The following FBXO8 variants were observed in gnomAD, a reference collection of about 807,000 sequenced individuals.
The protein encoded by FBXO8 is F-box protein 8.
Under a neutral mutation model 33.4 loss-of-function variants are expected in FBXO8, and 15 were observed. The ratio of observed to expected loss-of-function variants is 0.45; its 90% CI spans 0.30 to 0.69. The LOEUF is 0.69. Ranked by LOEUF, FBXO8 falls within the 30% of genes least tolerant of loss-of-function variation. The pLI, the probability that FBXO8 is intolerant of heterozygous loss-of-function variation, is 0.08. For missense variants in FBXO8, 274 were observed against 380.3 expected (o/e 0.72, Z 2.32); for synonymous variants, 132 against 131.5 (o/e 1.00, Z -0.02).
Position 174,237,369 on chromosome 4 carries a change from C to T in FBXO8, c.*43G>A. On this transcript the variant is annotated 3_prime_UTR_variant, in exon 6 of 6. Coordinates refer to ENST00000393674, the MANE Select transcript of FBXO8 (RefSeq NM_012180.3). This position sits in a 1 kb window ranked among gnomAD's most constrained non-coding sequence, Gnocchi z 4.4. ...CCATATCTGCTAAGTCCTTGGGTAGCTTTAGTCTGAAGTAAAAACTGAAGT... is the reference window on the plus strand; with the variant it reads ...CCATATCTGCTAAGTCCTTGGGTAGTTTTAGTCTGAAGTAAAAACTGAAGT... 1 of 1,558,706 alleles carries T rather than the reference C, an allele frequency of 6.4e-7. No individual in the cohort carries two copies. Among genetic ancestry groups the T allele is most frequent in the African/African-American group, 1.3e-5 (1 of 74,090 alleles).
chr4:174,259,785 T>C lies in FBXO8; in HGVS notation c.370A>G (p.Lys124Glu). Residue 124 changes from lysine (K) to glutamate (E), a missense_variant, in exon 3 of 6, where the codon AAG (lysine) becomes GAG (glutamate). Physicochemically the swap from Lys to Glu is moderately conservative, Grantham distance 56. This residue lies in a region of FBXO8 where 186 missense variants were observed against 293.4 expected (regional missense o/e 0.63). Transcript: ENST00000393674. This position sits in a 1 kb window ranked among gnomAD's most constrained non-coding sequence, Gnocchi z 4.3. ...STWGHCSIYN[K>E]NPPLGFSFRK... is the part of the protein sequence containing the mutation. ...AAAGAAAATCCTAAAGGTGGGTTCTTATTGTATATGGAACAGTGACCCCAA... is the reference window on the plus strand; with the variant it reads ...AAAGAAAATCCTAAAGGTGGGTTCTCATTGTATATGGAACAGTGACCCCAA... 1 of 1,611,564 alleles carries C rather than the reference T, an allele frequency of 6.2e-7. No individual in the cohort carries two copies. Among genetic ancestry groups the C allele is most frequent in the Non-Finnish European group, 8.5e-7 (1 of 1,178,736 alleles).
intron 1 of FBXO8, among the ~76,000 whole-genome samples, chr4:174,279,445 G>A (rs1264654810): frequency 6.6e-6 from 1 of 152,002 alleles, no homozygotes; most frequent in African/African-American, 2.4e-5. Flanking sequence ...GTGATCTATA[G>A]ATTCAATGTA....
chr4:174,248,931 C>T (rs1488222012), intron 3 of FBXO8, among the ~76,000 whole-genome samples: 1 of 151,916 alleles, frequency 6.6e-6, no homozygotes, highest in Non-Finnish European at 1.5e-5. Flanking sequence ...AATAACAATT[C>T]CCTCCAATGG....
In FBXO8 at chr4:174,247,704, G is replaced by C. The variant is rs1164404795; in HGVS notation, c.457-6486C>G. On this transcript the variant is annotated intron_variant, in intron 3 of 5. Coordinates refer to ENST00000393674, the MANE Select transcript of FBXO8 (RefSeq NM_012180.3). This position sits in a 1 kb window ranked among gnomAD's most constrained non-coding sequence, Gnocchi z 4.6. ...TGAAATGTAACATTTTCAAACTGAA[G>C]ATAATGTAAAAATTAAGTGACACAA... Among the ~76,000 whole-genome samples the C allele has an allele frequency of 2.0e-5, 3 of 151,906 alleles. No homozygotes were observed. The highest frequency in any genetic ancestry group is 2.9e-5 in the Non-Finnish European group (2 of 67,950).
chr4:174,262,722 G>A lies in FBXO8; in HGVS notation c.329+42C>T. 1 of 1,527,292 alleles carries A rather than the reference G, an allele frequency of 6.5e-7. No homozygotes were observed. The highest frequency in any genetic ancestry group is 1.1e-5 in the South Asian group (1 of 88,088). The allele number at this position is 1,527,292 out of a possible 1,614,324, so 94.6% of individuals were successfully genotyped here. On this transcript the variant is annotated intron_variant, in intron 2 of 5. Transcript: ENST00000393674. This position sits in a 1 kb window ranked among gnomAD's most constrained non-coding sequence, Gnocchi z 4.6. Reference sequence around the variant, plus strand: ...AAAAAGAACATTGAAGCATGATTATGTTTAGAGATACCTGAATTCAACTTT... The same window carrying A: ...AAAAAGAACATTGAAGCATGATTATATTTAGAGATACCTGAATTCAACTTT...
At chr4:174,258,187 TA>T (rs1448184621) in intron 3 of FBXO8, among the ~76,000 whole-genome samples, 7 of 152,182 alleles carry the variant, frequency 4.6e-5, no homozygotes, top group African/African-American at 1.7e-4. Flanking sequence ...TAAGAGCAGG[TA>T]TGCCACAGTG....
intron 3 of FBXO8, among the ~76,000 whole-genome samples, chr4:174,246,984 G>A (rs917660683): frequency 6.6e-6 from 1 of 152,014 alleles, no homozygotes; most frequent in African/African-American, 2.4e-5. Flanking sequence ...TAAACTAAAG[G>A]AGTGCCAAGC....
intron 1 of FBXO8, among the ~76,000 whole-genome samples, chr4:174,271,112 A>AG (rs1344640069): frequency 6.6e-6 from 1 of 152,236 alleles, no homozygotes; most frequent in Non-Finnish European, 1.5e-5. Flanking sequence ...AAAATGACAG[A>AG]GAAAAAAAAG....
In FBXO8 at chr4:174,272,050, G is replaced by A. The variant is rs1560875112; in HGVS notation, c.-8-8950C>T. Among the ~76,000 whole-genome samples, 2 of 152,140 alleles carry A rather than the reference G, an allele frequency of 1.3e-5. No homozygotes were observed. Among genetic ancestry groups the A allele is most frequent in the Non-Finnish European group, 2.9e-5 (2 of 68,026 alleles). On this transcript the variant is annotated intron_variant, in intron 1 of 5. Transcript: ENST00000393674. The surrounding 1 kb of genome is among the most constrained non-coding windows in gnomAD (Gnocchi z 4.7). Reference sequence around the variant, plus strand: ...CCTAAGGCAATGTTTCCTAAACTTGGATTATGAGTGTTCAGTGAACTAATA... The same window carrying A: ...CCTAAGGCAATGTTTCCTAAACTTGAATTATGAGTGTTCAGTGAACTAATA...
chr4:174,253,495 T>G lies in FBXO8; in HGVS notation c.456+6204A>C, dbSNP rs868413551. ...CAAATTGTTGTGCCACAGGTGCCAA[T>G]GTTCCTCCTTTGGATACTAAGGCCT... On this transcript the variant is annotated intron_variant, in intron 3 of 5. Transcript: ENST00000393674. The surrounding 1 kb of genome is among the most constrained non-coding windows in gnomAD (Gnocchi z 4.5). Among the ~76,000 whole-genome samples, 3 of 152,184 alleles carry G rather than the reference T, an allele frequency of 2.0e-5. No individual in the cohort carries two copies. In the South Asian group the frequency reaches 6.2e-4, roughly 31 times the overall value.
intron 4 of FBXO8, among the ~76,000 whole-genome samples, chr4:174,240,334 A>T (rs1736004408): frequency 1.3e-5 from 2 of 151,728 alleles, no homozygotes; most frequent in East Asian, 3.8e-4. Context: ...TACTCTAGCA[A>T]AGTTTCTGGA....
At position 174,241,074 on chromosome 4, in the gene FBXO8, G is replaced by A. The variant is rs72702229; in HGVS notation, c.575+26C>T. 3,356 of 1,356,532 alleles carry A rather than the reference G, an allele frequency of 2.5e-3. 2 individuals are homozygous for A. Among genetic ancestry groups the A allele is most frequent in the Non-Finnish European group, 3.3e-3 (3,139 of 955,684 alleles). 84.0% of individuals were successfully genotyped at this position (1,356,532 alleles called of 1,614,324 possible). On this transcript the variant is annotated intron_variant, in intron 4 of 5. Transcript: ENST00000393674. This position sits in a 1 kb window ranked among gnomAD's most constrained non-coding sequence, Gnocchi z 4.2. ...CAAAAACATTACTTAACTCATTTTG[G>A]ATGAAAAGTTAATTTTCGTTTTTAC...
intron 1 of FBXO8, among the ~76,000 whole-genome samples, chr4:174,266,270 G>T (rs1177681477): frequency 1.3e-5 from 2 of 152,126 alleles, no homozygotes; most frequent in East Asian, 3.8e-4. Flanking sequence ...TAATAATGGG[G>T]AGGTTGGAGG....
Position 174,278,406 on chromosome 4 carries a change from A to C in FBXO8, c.-9+5004T>G, listed in dbSNP as rs946082972. Among the ~76,000 whole-genome samples the C allele has an allele frequency of 2.0e-5, 3 of 152,090 alleles. No homozygotes were observed. The highest frequency in any genetic ancestry group is 7.2e-5 in the African/African-American group (3 of 41,430). On this transcript the variant is annotated intron_variant, in intron 1 of 5. Transcript: ENST00000393674. The surrounding 1 kb of genome is among the most constrained non-coding windows in gnomAD (Gnocchi z 4.1). ...TTTCCTGTTAATTTTATTCTATAAA[A>C]AGTGTTACCAAAATGGCAACTAAAT... is the stretch of plus-strand genomic sequence containing the variant.
At chr4:174,258,029 G>T (rs1414673786) in intron 3 of FBXO8, among the ~76,000 whole-genome samples, 1 of 151,988 alleles carries the variant, frequency 6.6e-6, no homozygotes, top group African/African-American at 2.4e-5. Context: ...TGCCTGGCCT[G>T]AAAAATATAT....
intron 3 of FBXO8, among the ~76,000 whole-genome samples, chr4:174,248,605 G>A (rs1387848433): frequency 1.3e-5 from 2 of 152,090 alleles, no homozygotes; most frequent in Non-Finnish European, 2.9e-5. Flanking sequence ...TGAAGAGAGA[G>A]TGCCAGTATC....
intron 1 of FBXO8, among the ~76,000 whole-genome samples, chr4:174,273,504 G>T (rs1736886541): frequency 6.6e-6 from 1 of 151,934 alleles, no homozygotes; most frequent in South Asian, 2.1e-4. Context: ...ATAAAAATAT[G>T]GTATCATAGT....
At chr4:174,248,101 G>T (rs1033812161) in intron 3 of FBXO8, among the ~76,000 whole-genome samples, 2 of 151,984 alleles carry the variant, frequency 1.3e-5, no homozygotes, top group African/African-American at 4.8e-5. Flanking sequence ...GTATGTTTAA[G>T]ACTAGGTGTC....
rs771810765 is a variant in FBXO8 at position 174,245,165 on chromosome 4, G to A, written c.457-3947C>T. Among the ~76,000 whole-genome samples the A allele has an allele frequency of 2.0e-5, 3 of 151,780 alleles. No individual in the cohort carries two copies. Among genetic ancestry groups the A allele is most frequent in the Non-Finnish European group, 4.4e-5 (3 of 67,824 alleles). The stretch of plus-strand genomic sequence containing the variant: ...CCCTAAGAAAATTTAAAGTTTATCT[G>A]TGGCAATGAGACACATACATAAACA... On this transcript the variant is annotated intron_variant, in intron 3 of 5. Transcript: ENST00000393674. This position sits in a 1 kb window ranked among gnomAD's most constrained non-coding sequence, Gnocchi z 4.6.
Sources: gnomAD v4.1 joint callset for allele counts (sites outside exome capture counted in the v4.1 genomes callset) on GRCh38, gnomAD v4.1.1 for gene constraint, gnomAD v4.1.1 regional missense constraint, Gnocchi (gnomAD v3.1) non-coding constraint, MANE v1.5 for transcripts, NCBI Gene and HGNC (gene_info 2026-07-23, HGNC 2026-07-21) for gene names.